The following USP4 variants were observed in gnomAD, a reference collection of about 807,000 sequenced individuals.
USP4 encodes ubiquitin carboxyl-terminal hydrolase 4.
USP4 carries 72 observed loss-of-function variants against 118.2 expected under a neutral mutation model. That is an observed-to-expected ratio of 0.61 (90% CI 0.50 to 0.74). The LOEUF (loss-of-function observed/expected upper bound fraction) is 0.74, where lower values mean the gene tolerates loss of function less well. Among genes scored for constraint, USP4 ranks in the 30% least tolerant of loss-of-function variants. The pLI is 0.00. For synonymous variants in USP4, 415 were observed against 440.4 expected (o/e 0.94, Z 0.72); for missense variants, 1,037 against 1,185.7 (o/e 0.87, Z 1.84).
At chr3:49,306,119 T>C (rs1222474846) in intron 8 of USP4, among the ~76,000 whole-genome samples, 36 of 151,512 alleles carry the variant, frequency 2.4e-4, no homozygotes, top group Admixed American at 2.4e-3. Context: ...GCATATGCAT[T>C]GGCTAAGACT....
In USP4 at chr3:49,311,498, A is replaced by G. The variant is rs755617416; in HGVS notation, c.836+16T>C. On this transcript the variant is annotated intron_variant, in intron 7 of 21. Coordinates refer to ENST00000265560, the MANE Select transcript of USP4 (RefSeq NM_003363.4). ...GACCACGGGAAAGGAAGCAGAGTGA[A>G]AGGACCTGCTCTTACCCCCTGCTGA... 49 of 1,611,370 alleles carry G rather than the reference A, an allele frequency of 3.0e-5. No individual in the cohort carries two copies. The highest frequency in any genetic ancestry group is 4.1e-5 in the Non-Finnish European group (48 of 1,178,894).
intron 6 of USP4, among the ~76,000 whole-genome samples, chr3:49,317,675 G>A (rs554300192): frequency 1.3e-5 from 2 of 150,652 alleles, no homozygotes; most frequent in East Asian, 3.9e-4. Flanking sequence ...CCGAGTAGCT[G>A]GGACTACAGG....
At chr3:49,327,026 A>G (rs1407854966) in intron 3 of USP4, among the ~76,000 whole-genome samples, 1 of 152,130 alleles carries the variant, frequency 6.6e-6, no homozygotes, top group Admixed American at 6.6e-5. Context: ...TAGAGGGAAA[A>G]GCAGTATCAT....
At chr3:49,296,690 A>G (rs1374619675) in intron 13 of USP4, among the ~76,000 whole-genome samples, 1 of 152,250 alleles carries the variant, frequency 6.6e-6, no homozygotes, top group Non-Finnish European at 1.5e-5. Context: ...AGATGCTACT[A>G]TTGCTTTCAT....
rs78246922 is a variant in USP4 at position 49,325,085 on chromosome 3, G to C, written c.488-46C>G. 3,254 of 1,594,252 alleles carry C rather than the reference G, an allele frequency of 2.0e-3. 49 individuals are homozygous for C. The African/African-American group carries it at 0.036, about 18-fold the overall frequency. On this transcript the variant is annotated intron_variant, in intron 4 of 21. Coordinates refer to ENST00000265560, the MANE Select transcript of USP4 (RefSeq NM_003363.4). ...CACTTGGGGCTTTGTCCACATGCAA[G>C]GCTAAAGACAGCCATGGCAAACTAA...
intron 8 of USP4, among the ~76,000 whole-genome samples, chr3:49,306,093 G>A (rs1451119032): frequency 2.6e-5 from 4 of 151,936 alleles, no homozygotes; most frequent in African/African-American, 9.7e-5. Context: ...TCGGAGGGAC[G>A]TGGTCTTAGA....
chr3:49,324,573 C>T, intron 6 of USP4, 129 bp downstream of exon 6: 1 of 873,514 alleles, frequency 1.1e-6, no homozygotes, highest in Non-Finnish European at 1.9e-6. Context: ...GAAGCATGAA[C>T]TCTGGATATA....
In USP4 at chr3:49,298,558, T is replaced by C; in HGVS notation, c.1590A>G (p.Ala530=). The C allele has an allele frequency of 6.2e-7, 1 of 1,614,166 alleles. No homozygotes were observed. Among genetic ancestry groups the C allele is most frequent in the Non-Finnish European group, 8.5e-7 (1 of 1,180,000 alleles). ...ACTGATCACCCCGCCTTACATTTTC[T>C]GCAGCAATGCCAGACAGCCTGGAGA... The part of the protein sequence containing the change: ...EALSRLSGIA[A]ENMVVADVYN... Residue 530 remains alanine, a synonymous_variant, in exon 12 of 22, where the codon GCA becomes GCG. Coordinates refer to ENST00000265560, the MANE Select transcript of USP4 (RefSeq NM_003363.4).
chr3:49,282,463 G>C (rs927575949), intron 19 of USP4, among the ~76,000 whole-genome samples: 1 of 151,888 alleles, frequency 6.6e-6, no homozygotes, highest in African/African-American at 2.4e-5. Context: ...ACTTTTAGTA[G>C]AGATGGGGTT....
In USP4 at chr3:49,278,164, C is replaced by G; in HGVS notation, c.*129G>C. 1 of 952,140 alleles carries G rather than the reference C, an allele frequency of 1.1e-6. No individual in the cohort carries two copies. The highest frequency in any genetic ancestry group is 1.4e-6 in the Non-Finnish European group (1 of 691,526). 59.0% of individuals were successfully genotyped at this position (952,140 alleles called of 1,614,324 possible). ...CTTCTTTTTTTTTTTTTGTTTCCTTCTGCTCATAAAAGAAGGGTATTTCCT... is the reference window on the plus strand; with the variant it reads ...CTTCTTTTTTTTTTTTTGTTTCCTTGTGCTCATAAAAGAAGGGTATTTCCT... On this transcript the variant is annotated 3_prime_UTR_variant, in exon 22 of 22. Transcript: ENST00000265560.
intron 1 of USP4, among the ~76,000 whole-genome samples, chr3:49,339,119 C>T (rs2047705405): frequency 6.6e-6 from 1 of 152,230 alleles, no homozygotes; most frequent in South Asian, 2.1e-4. Flanking sequence ...TGCACTCCAG[C>T]TTGGGCAACA....
At chr3:49,307,161 C>A (rs1452328633) in intron 8 of USP4, among the ~76,000 whole-genome samples, 1 of 152,072 alleles carries the variant, frequency 6.6e-6, no homozygotes, top group African/African-American at 2.4e-5. Flanking sequence ...CAAAGTTAGA[C>A]TGTAGGCCAG....
intron 6 of USP4, 99 bp downstream of exon 6, chr3:49,324,603 C>G: frequency 1.7e-6 from 2 of 1,147,974 alleles, no homozygotes; most frequent in South Asian, 2.5e-5. Flanking sequence ...CATTGTTCAT[C>G]TGAATCAGAA....
chr3:49,335,541 T>C lies in USP4; in HGVS notation c.157A>G (p.Ser53Gly). ...TCACCCACATTGTACATGTCCCAGC[T>C]GTCAAAGCCCACATACTTCTTCCAC... ...KQWKKYVGFD[S>G]WDMYNVGEHN... is the part of the protein sequence containing the mutation. The change falls in exon 2 of 22, where the codon AGC (serine) becomes GGC (glycine). Residue 53 changes from serine to glycine, a missense_variant. Around this residue, in one of 3 missense-constraint regions of USP4, gnomAD observed 487 missense variants for 534.1 expected, o/e 0.91. Coordinates refer to ENST00000265560, the MANE Select transcript of USP4 (RefSeq NM_003363.4). The C allele has an allele frequency of 6.2e-7, 1 of 1,614,224 alleles. No homozygotes were observed. Among genetic ancestry groups the C allele is most frequent in the Non-Finnish European group, 8.5e-7 (1 of 1,180,038 alleles).
At chr3:49,325,604 G>A in intron 4 of USP4, 115 bp downstream of exon 4, 3 of 1,471,856 alleles carry the variant, frequency 2.0e-6, no homozygotes, top group Non-Finnish European at 2.8e-6. Context: ...AGCTCGAGAT[G>A]ATTTGGGTAA....
chr3:49,316,469 G>A lies in USP4; in HGVS notation c.696-4815C>T, dbSNP rs116095937. On this transcript the variant is annotated intron_variant, in intron 6 of 21. Transcript: ENST00000265560. ...CGAGTAGCTGGAATTACAGGTGCAT[G>A]CCACTATGCCTGGCTATTTTTTTAT... Among the ~76,000 whole-genome samples the A allele has an allele frequency of 7.8e-3, 1,185 of 151,810 alleles. 18 individuals are homozygous for A. The highest frequency in any genetic ancestry group is 0.026 in the African/African-American group (1,081 of 41,416).
At chr3:49,294,638 C>T (rs749263596) in intron 13 of USP4, 40 bp from the exon 14 acceptor site, 2 of 1,584,562 alleles carry the variant, frequency 1.3e-6, no homozygotes, top group South Asian at 2.3e-5. Context: ...AGCAGTAGGT[C>T]CTTGTGAACA....
intron 13 of USP4, 87 bp from the exon 14 acceptor site, chr3:49,294,685 C>A (rs1443079572): frequency 3.9e-6 from 5 of 1,289,838 alleles, no homozygotes; most frequent in Non-Finnish European, 3.3e-6. Flanking sequence ...GTGGCCAGGG[C>A]TATGATTACT....
Position 49,324,551 on chromosome 3 carries a change from G to T in USP4, c.695+151C>A, listed in dbSNP as rs1020527864. ...ATGCTGCCCTGCTACCAAAAGCCACGGTCTTCATCCAGAAGCATGAACTCT... is the reference window on the plus strand; with the variant it reads ...ATGCTGCCCTGCTACCAAAAGCCACTGTCTTCATCCAGAAGCATGAACTCT... On this transcript the variant is annotated intron_variant, in intron 6 of 21. Transcript: ENST00000265560. 3.1e-5 allele frequency: 23 copies of T among 732,068 alleles called. No individual in the cohort carries two copies. In the South Asian group the frequency reaches 3.4e-4, roughly 11 times the overall value. 45.3% of individuals were successfully genotyped at this position (732,068 alleles called of 1,614,324 possible). A position where few individuals can be genotyped will look rare whatever the true frequency, so the allele number is the denominator to read the frequency against.
Sources: gnomAD v4.1 joint callset for allele counts (sites outside exome capture counted in the v4.1 genomes callset) on GRCh38, gnomAD v4.1.1 for gene constraint, gnomAD v4.1.1 regional missense constraint, MANE v1.5 for transcripts, NCBI Gene and HGNC (gene_info 2026-07-23, HGNC 2026-07-21) for gene names.